ROBO2: variants seen among roughly 807,000 people sequenced by gnomAD.
The protein encoded by ROBO2 is roundabout guidance receptor 2, also known as roundabout homolog 2.
ROBO2 carries 53 observed loss-of-function variants against 160.8 expected under a neutral mutation model. The ratio of observed to expected loss-of-function variants is 0.33; its 90% CI spans 0.26 to 0.41. The LOEUF (loss-of-function observed/expected upper bound fraction) is 0.41, where lower values mean the gene tolerates loss of function less well. Among genes scored for constraint, ROBO2 ranks in the 10% least tolerant of loss-of-function variants. The pLI, the probability that ROBO2 is intolerant of heterozygous loss-of-function variation, is 1.00. For synonymous variants in ROBO2, 664 were observed against 611.7 expected (o/e 1.09, Z -1.26); for missense variants, 1,577 against 1,722.4 (o/e 0.92, Z 1.49).
intron 2 of ROBO2, among the ~76,000 whole-genome samples, chr3:77,198,224 T>G (rs2082486968): frequency 6.6e-6 from 1 of 152,216 alleles, no homozygotes; most frequent in South Asian, 2.1e-4. Context: ...ATAATGTCTA[T>G]TCATCATACA....
chr3:76,644,598 G>A (rs6764287), intron 2 of ROBO2, among the ~76,000 whole-genome samples: 93,664 of 151,926 alleles, frequency 0.62, 29,145 homozygotes, highest in Non-Finnish European at 0.63. Context: ...TGACCTTCCC[G>A]TAGGACTAAC....
rs190808438 is a variant in ROBO2, at chr3:76,495,402, G to A, written c.109+557800G>A. The stretch of plus-strand genomic sequence containing the variant: ...ACGCCCTGTCATGTCTTAATGCCAT[G>A]AGACAGCCTCATATTCAGTAAGTGA... On this transcript the variant is annotated intron_variant, in intron 2 of 26. Coordinates refer to the ROBO2 transcript ENST00000487694. Among the ~76,000 whole-genome samples the A allele has an allele frequency of 3.1e-3, 474 of 152,064 alleles. 2 individuals carry two copies. Among genetic ancestry groups the A allele is most frequent in the Non-Finnish European group, 5.5e-3 (377 of 67,966 alleles).
At chr3:77,496,055 G>A (rs969903134) in intron 5 of ROBO2, among the ~76,000 whole-genome samples, 1 of 152,126 alleles carries the variant, frequency 6.6e-6, no homozygotes, top group African/African-American at 2.4e-5. Context: ...CTATCAGAAG[G>A]TATGATATCA....
intron 2 of ROBO2, among the ~76,000 whole-genome samples, chr3:76,253,971 A>G (rs999349790): frequency 6.6e-6 from 1 of 152,222 alleles, no homozygotes. Context: ...GCAAAGTAGC[A>G]TACTCTCAGA....
At chr3:75,929,115 G>T (rs1371255564) in intron 1 of ROBO2, among the ~76,000 whole-genome samples, 1 of 134,996 alleles carries the variant, frequency 7.4e-6, no homozygotes, top group East Asian at 2.3e-4. Flanking sequence ...GATGATTATA[G>T]AATGATCTAT....
At position 76,791,838 on chromosome 3, in the gene ROBO2, A is replaced by G. The variant is rs2063373678; in HGVS notation, c.110-306176A>G. 3.3e-5 allele frequency among the ~76,000 whole-genome samples: 5 copies of G among 151,852 alleles called. No individual in the cohort carries two copies. In the South Asian group the frequency reaches 1.0e-3, roughly 31 times the overall value. On this transcript the variant is annotated intron_variant, in intron 2 of 26. Coordinates refer to the ROBO2 transcript ENST00000487694. ...TAGTCACACACACACACACAAAATGATACAGCAATTAAAAATAGTACAAAC... is the reference window on the plus strand; with the variant it reads ...TAGTCACACACACACACACAAAATGGTACAGCAATTAAAAATAGTACAAAC...
At chr3:77,235,993 A>T (rs868012402) in intron 2 of ROBO2, among the ~76,000 whole-genome samples, 1 of 152,216 alleles carries the variant, frequency 6.6e-6, no homozygotes, top group Non-Finnish European at 1.5e-5. Context: ...TCTGTAAAAT[A>T]TTTGAAGAGA....
intron 2 of ROBO2, among the ~76,000 whole-genome samples, chr3:76,798,424 C>T (rs1287876669): frequency 3.3e-5 from 5 of 152,196 alleles, no homozygotes; most frequent in African/African-American, 1.2e-4. Context: ...GATCATTCAG[C>T]ATGACCAATA....
chr3:77,188,010 A>G (rs1388086356), intron 2 of ROBO2, among the ~76,000 whole-genome samples: 3 of 150,418 alleles, frequency 2.0e-5, no homozygotes, highest in Non-Finnish European at 4.4e-5. Flanking sequence ...AAACTATTAG[A>G]ATAGTATTTT....
At chr3:77,344,086 T>C (rs1486971745) in intron 2 of ROBO2, among the ~76,000 whole-genome samples, 3 of 152,050 alleles carry the variant, frequency 2.0e-5, no homozygotes, top group Non-Finnish European at 4.4e-5. Flanking sequence ...AAGAAGAATA[T>C]AAACATGACC....
At chr3:77,511,939 T>A (rs2089443312) in intron 5 of ROBO2, among the ~76,000 whole-genome samples, 1 of 151,946 alleles carries the variant, frequency 6.6e-6, no homozygotes, top group Admixed American at 6.6e-5. Flanking sequence ...CTCTCATACT[T>A]CTCTAAGGTG....
At chr3:76,256,736 TAAAG>T (rs1322312155) in intron 2 of ROBO2, among the ~76,000 whole-genome samples, 1 of 151,952 alleles carries the variant, frequency 6.6e-6, no homozygotes, top group Non-Finnish European at 1.5e-5. Flanking sequence ...TGCATTGCTA[TAAAG>T]AAACACCCGA....
rs1353224337 is a variant in ROBO2 at position 76,851,729 on chromosome 3, G to A, written c.110-246285G>A. 9.3e-5 allele frequency among the ~76,000 whole-genome samples: 10 copies of A among 107,088 alleles called. 1 individual carries two copies. Among genetic ancestry groups the A allele is most frequent in the African/African-American group, 3.9e-4 (9 of 23,364 alleles). The allele number at this position is 107,088 out of a possible 152,430, so 70.3% of individuals were successfully genotyped here. A position where few individuals can be genotyped will look rare whatever the true frequency, so the allele number is the denominator to read the frequency against. ...CGCAGTCCGAGGTGGGCGACAGAGC[G>A]AGACTCCGTCTCAAAAAAAAAAAAA... On this transcript the variant is annotated intron_variant, in intron 2 of 26. Coordinates refer to the ROBO2 transcript ENST00000487694.
rs372805833 is a variant in ROBO2, at chr3:76,761,756, A to G, written c.110-336258A>G. Among the ~76,000 whole-genome samples the G allele has an allele frequency of 7.2e-4, 110 of 151,828 alleles. 1 individual carries two copies. The South Asian group carries it at 0.022, about 30-fold the overall frequency. On this transcript the variant is annotated intron_variant, in intron 2 of 26. Transcript: ENST00000487694. ...TGCAATAAATAGTCAACATGTCTTG[A>G]TAGAACATTGAATTTAGAATATTGG...
chr3:77,180,807 A>G (rs1198093544), intron 2 of ROBO2, among the ~76,000 whole-genome samples: 1 of 152,052 alleles, frequency 6.6e-6, no homozygotes, highest in Non-Finnish European at 1.5e-5. Flanking sequence ...ATTCTATGAT[A>G]AAATATTAAT....
intron 1 of ROBO2, among the ~76,000 whole-genome samples, chr3:77,041,702 G>A (rs1237190893): frequency 6.6e-6 from 1 of 151,926 alleles, no homozygotes; most frequent in African/African-American, 2.4e-5. Flanking sequence ...TTTTTGGTTT[G>A]TATTCAAAAG....
At chr3:77,593,759 A>G (rs2094235249) in intron 17 of ROBO2, among the ~76,000 whole-genome samples, 1 of 152,178 alleles carries the variant, frequency 6.6e-6, no homozygotes, top group African/African-American at 2.4e-5. Context: ...AAACTTGAGA[A>G]CAGAGGAGTT....
At chr3:75,952,180 C>G (rs142991710) in intron 2 of ROBO2, among the ~76,000 whole-genome samples, 1 of 151,994 alleles carries the variant, frequency 6.6e-6, no homozygotes, top group East Asian at 1.9e-4. Context: ...TTTGTGGAAA[C>G]AGTGAAGTTA....
At chr3:77,182,654 A>C (rs1168420276) in intron 2 of ROBO2, among the ~76,000 whole-genome samples, 1 of 152,066 alleles carries the variant, frequency 6.6e-6, no homozygotes, top group African/African-American at 2.4e-5. Flanking sequence ...GCCTAAATGA[A>C]TAGTGAGCTG....
Sources: allele counts gnomAD v4.1 joint callset (sites outside exome capture counted in the v4.1 genomes callset), GRCh38; gene constraint gnomAD v4.1.1; transcripts MANE v1.5; gene names NCBI Gene and HGNC (gene_info 2026-07-23, HGNC 2026-07-21).